The following TMTC2 variants were observed in gnomAD, a reference collection of about 807,000 sequenced individuals.
The protein encoded by TMTC2 is protein O-mannosyl-transferase TMTC2.
Under a neutral mutation model 82.4 loss-of-function variants are expected in TMTC2, and 43 were observed. That is an observed-to-expected ratio of 0.52 (90% CI 0.41 to 0.67). TMTC2 has a LOEUF of 0.67. Among genes scored for constraint, TMTC2 ranks in the 30% least tolerant of loss-of-function variants. The pLI is 0.00. For synonymous variants in TMTC2, 408 were observed against 381.9 expected (o/e 1.07, Z -0.80); for missense variants, 919 against 1,012.4 (o/e 0.91, Z 1.25).
chr12:83,099,734 T>A (rs1592745867), intron 11 of TMTC2, among the ~76,000 whole-genome samples: 2 of 152,186 alleles, frequency 1.3e-5, no homozygotes, highest in African/African-American at 4.8e-5. Context: ...CTTTTTTTTT[T>A]AACGTTGCTT....
At chr12:82,981,651 G>T (rs10862533) in intron 7 of TMTC2, among the ~76,000 whole-genome samples, 1 of 151,692 alleles carries the variant, frequency 6.6e-6, no homozygotes, top group Non-Finnish European at 1.5e-5. Context: ...CACCATAAAC[G>T]TTTTTTTCTA....
Position 82,880,043 on chromosome 12 carries a change from G to A in TMTC2, c.655-15775G>A, listed in dbSNP as rs149527624. ...CTGGTCTCTCACAGAAAAATATAAC[G>A]GAACTTAATATATCATTTGGATGAC... On this transcript the variant is annotated intron_variant, in intron 2 of 11. Transcript: ENST00000321196. 3.0e-3 allele frequency among the ~76,000 whole-genome samples: 463 copies of A among 152,220 alleles called. 4 individuals carry two copies. Among genetic ancestry groups the A allele is most frequent in the African/African-American group, 0.011 (442 of 41,524 alleles).
At chr12:82,828,359 A>G (rs1869547474) in intron 1 of TMTC2, among the ~76,000 whole-genome samples, 2 of 151,760 alleles carry the variant, frequency 1.3e-5, no homozygotes, top group South Asian at 2.1e-4. Context: ...AACCACATGC[A>G]TGTACCACCA....
intron 4 of TMTC2, among the ~76,000 whole-genome samples, chr12:82,958,354 CA>C (rs750819932): frequency 5.0e-4 from 10 of 19,952 alleles, no homozygotes; most frequent in Non-Finnish European, 6.5e-4. Context: ...GAGTCTGTCT[CA>C]AAAAAAAAAA....
intron 1 of TMTC2, among the ~76,000 whole-genome samples, chr12:82,783,385 G>C (rs1209287332): frequency 6.6e-6 from 1 of 151,520 alleles, no homozygotes; most frequent in Non-Finnish European, 1.5e-5. Context: ...ATCCTCCCTT[G>C]CCTCTTGTCT....
In TMTC2 at chr12:83,021,601, A is replaced by T. The variant is rs534762907; in HGVS notation, c.2071-9197A>T. ...CAGAGTGAGACCCCATCTATAAAAAAAATTTTTTTTTAATGTAGAGTCATC... is the reference window on the plus strand; with the variant it reads ...CAGAGTGAGACCCCATCTATAAAAATAATTTTTTTTTAATGTAGAGTCATC... On this transcript the variant is annotated intron_variant, in intron 8 of 11. Transcript: ENST00000321196. 4.5e-3 allele frequency among the ~76,000 whole-genome samples: 434 copies of T among 95,610 alleles called. 2 individuals carry two copies. The highest frequency in any genetic ancestry group is 0.013 in the African/African-American group (420 of 32,136). 62.7% of individuals were successfully genotyped at this position (95,610 alleles called of 152,430 possible).
At chr12:82,809,081 A>G (rs1264961806) in intron 1 of TMTC2, among the ~76,000 whole-genome samples, 1 of 148,854 alleles carries the variant, frequency 6.7e-6, no homozygotes, top group Non-Finnish European at 1.5e-5. Flanking sequence ...AATTATTTAT[A>G]TAATTTATAT....
chr12:82,833,657 A>AT (rs1869872394), intron 1 of TMTC2, among the ~76,000 whole-genome samples: 1 of 152,228 alleles, frequency 6.6e-6, no homozygotes, highest in African/African-American at 2.4e-5. Context: ...CTGTTAGCTA[A>AT]TTGGAATATT....
intron 11 of TMTC2, among the ~76,000 whole-genome samples, chr12:83,130,246 C>T (rs1022185570): frequency 6.6e-6 from 1 of 152,144 alleles, no homozygotes; most frequent in Non-Finnish European, 1.5e-5. Flanking sequence ...GTGCTAAGCA[C>T]TGTGAGGGGA....
chr12:82,699,537 TAGTTCTGGC>T, intron 1 of TMTC2, among the ~76,000 whole-genome samples: 1 of 152,214 alleles, frequency 6.6e-6, no homozygotes, highest in Non-Finnish European at 1.5e-5. Flanking sequence ...ATATTCAGAG[TAGTTCTGGC>T]AGTGTGGCGA....
At chr12:82,936,050 CTG>C (rs1343036657) in intron 4 of TMTC2, among the ~76,000 whole-genome samples, 1 of 151,848 alleles carries the variant, frequency 6.6e-6, no homozygotes, top group Non-Finnish European at 1.5e-5. Context: ...AATTTTAAGA[CTG>C]AGAAAAGTTA....
intron 2 of TMTC2, among the ~76,000 whole-genome samples, chr12:82,876,353 G>A (rs1872579877): frequency 6.6e-6 from 1 of 152,098 alleles, no homozygotes. Flanking sequence ...TTTAAGTCTT[G>A]GTGAGGAGTG....
intron 6 of TMTC2, among the ~76,000 whole-genome samples, 157 bp from the exon 7 acceptor site, chr12:82,966,762 A>G (rs1302526907): frequency 6.6e-6 from 1 of 152,168 alleles, no homozygotes; most frequent in Admixed American, 6.5e-5. Context: ...TTGAGATAGT[A>G]TGCCACAAAA....
intron 4 of TMTC2, among the ~76,000 whole-genome samples, chr12:82,944,204 T>C (rs1265711845): frequency 1.3e-5 from 2 of 151,972 alleles, no homozygotes. Flanking sequence ...ATAAATAATG[T>C]GTATGTGAAT....
At chr12:82,905,437 T>G (rs573206666) in intron 3 of TMTC2, among the ~76,000 whole-genome samples, 1 of 152,382 alleles carries the variant, frequency 6.6e-6, no homozygotes, top group South Asian at 2.1e-4. Context: ...AAGCAATTTC[T>G]TAAATAGTTA....
chr12:82,965,172 T>C (rs528507114), intron 5 of TMTC2, 63 bp downstream of exon 5: 2 of 1,254,194 alleles, frequency 1.6e-6, no homozygotes, highest in Admixed American at 1.9e-5. Flanking sequence ...TTAACTCTAA[T>C]TTACAGCCTC....
chr12:82,914,817 ATTTTT>A (rs71068958), intron 3 of TMTC2, among the ~76,000 whole-genome samples: 1 of 86,434 alleles, frequency 1.2e-5, no homozygotes, highest in Non-Finnish European at 2.2e-5. Flanking sequence ...CAACTCACTT[ATTTTT>A]TTTTTTTTTT....
At chr12:82,996,609 T>A (rs1178144716) in intron 8 of TMTC2, among the ~76,000 whole-genome samples, 1 of 152,080 alleles carries the variant, frequency 6.6e-6, no homozygotes, top group African/African-American at 2.4e-5. Flanking sequence ...GAATGACTCA[T>A]GTGTAAGTAG....
chr12:82,904,462 T>C (rs190319314), intron 3 of TMTC2, among the ~76,000 whole-genome samples: 4 of 152,274 alleles, frequency 2.6e-5, no homozygotes, highest in Admixed American at 2.6e-4. Flanking sequence ...TAATTTATGG[T>C]TTAAATCTGG....
Sources: gnomAD v4.1 joint callset for allele counts (sites outside exome capture counted in the v4.1 genomes callset) on GRCh38, gnomAD v4.1.1 for gene constraint, MANE v1.5 for transcripts, NCBI Gene and HGNC (gene_info 2026-07-23, HGNC 2026-07-21) for gene names.